Variants in PPP1R1C observed in about 807,000 individuals in gnomAD.
PPP1R1C encodes the protein protein phosphatase 1 regulatory subunit 1C.
Under a neutral mutation model 17.4 loss-of-function variants are expected in PPP1R1C, and 15 were observed. The ratio of observed to expected loss-of-function variants is 0.86; its 90% confidence interval spans 0.58 to 1.33. The LOEUF is 1.33. Among genes scored for constraint, PPP1R1C ranks in the 40% most tolerant of loss-of-function variants. PPP1R1C has a pLI of 0.00. For missense variants in PPP1R1C, 143 were observed against 130.0 expected, an observed-to-expected ratio of 1.10 and a Z score of -0.48; for synonymous variants, 35 against 43.1, an observed-to-expected ratio of 0.81 and a Z score of 0.73.
intron 2 of PPP1R1C, among the ~76,000 whole-genome samples, chr2:182,040,792 TAGATTTA>T (rs1483703514): frequency 3.3e-5 from 5 of 152,236 alleles, no homozygotes; most frequent in African/African-American, 9.6e-5. Flanking sequence ...CTTCAGGTCT[TAGATTTA>T]AGACTCTGAT....
intron 3 of PPP1R1C, among the ~76,000 whole-genome samples, chr2:182,062,773 T>C (rs970316574): frequency 1.3e-5 from 2 of 152,124 alleles, no homozygotes; most frequent in African/African-American, 4.8e-5. Context: ...CAGTTTCTAG[T>C]TTAAACTTTG....
intron 2 of PPP1R1C, among the ~76,000 whole-genome samples, chr2:182,014,232 A>G (rs1416285915): frequency 6.6e-6 from 1 of 152,178 alleles, no homozygotes; most frequent in Non-Finnish European, 1.5e-5. Flanking sequence ...CTACCTGGTC[A>G]CTGTAGCTGT....
chr2:181,955,853 A>T (rs1303369875), intron 1 of PPP1R1C, among the ~76,000 whole-genome samples: 1 of 152,134 alleles, frequency 6.6e-6, no homozygotes, highest in African/African-American at 2.4e-5. Flanking sequence ...TCTTTTGTCT[A>T]TGCATGTTTT....
chr2:182,022,843 A>G (rs1303485913), intron 2 of PPP1R1C, among the ~76,000 whole-genome samples: 1 of 152,214 alleles, frequency 6.6e-6, no homozygotes, highest in Non-Finnish European at 1.5e-5. Flanking sequence ...CAAGAAATTT[A>G]ACAGTATGTT....
chr2:182,111,777 C>G (rs1038336289), intron 4 of PPP1R1C, among the ~76,000 whole-genome samples: 2 of 151,418 alleles, frequency 1.3e-5, no homozygotes, highest in African/African-American at 4.9e-5. Context: ...AATTATATTC[C>G]TAGCATTATT....
intron 4 of PPP1R1C, among the ~76,000 whole-genome samples, chr2:182,065,278 A>G (rs1268269891): frequency 6.6e-6 from 1 of 152,144 alleles, no homozygotes; most frequent in East Asian, 1.9e-4. Context: ...ATTTATAATC[A>G]GAAATGATTT....
At chr2:181,997,974 G>C (rs182117287) in intron 2 of PPP1R1C, among the ~76,000 whole-genome samples, 313 of 152,218 alleles carry the variant, frequency 2.1e-3, no homozygotes, top group Middle Eastern at 3.4e-3. Flanking sequence ...CATTCTATAG[G>C]TTGAACCTGT....
chr2:182,065,259 T>A (rs57750089), intron 4 of PPP1R1C, among the ~76,000 whole-genome samples: 95 of 152,240 alleles, frequency 6.2e-4, no homozygotes, highest in African/African-American at 2.2e-3. Flanking sequence ...ACAAGTCACA[T>A]AGGTTCTCAT....
downstream of PPP1R1C, among the ~76,000 whole-genome samples, chr2:182,118,475 A>C (rs17457004): frequency 0.38 from 58,306 of 151,976 alleles, 11,563 homozygotes; most frequent in Non-Finnish European, 0.43. Flanking sequence ...CAAATGTATC[A>C]TGGATAAAAA....
intron 4 of PPP1R1C, among the ~76,000 whole-genome samples, chr2:182,078,204 A>G (rs1400481134): frequency 6.6e-6 from 1 of 152,174 alleles, no homozygotes; most frequent in Admixed American, 6.5e-5. Context: ...CATTTTTGGT[A>G]TGAAATGGGG....
intron 2 of PPP1R1C, among the ~76,000 whole-genome samples, chr2:182,024,346 AG>A (rs1454403764): frequency 5.9e-5 from 9 of 152,208 alleles, no homozygotes; most frequent in Non-Finnish European, 1.0e-4. Context: ...AAAAAATTTA[AG>A]GGTTACAAAA....
At chr2:182,045,735 C>T (rs1478636334) in intron 2 of PPP1R1C, among the ~76,000 whole-genome samples, 1 of 151,994 alleles carries the variant, frequency 6.6e-6, no homozygotes, top group East Asian at 1.9e-4. Context: ...TATATCTACA[C>T]AGTTCAAAAT....
chr2:182,020,142 C>T (rs1686374932), intron 2 of PPP1R1C, among the ~76,000 whole-genome samples: 1 of 152,062 alleles, frequency 6.6e-6, no homozygotes, highest in African/African-American at 2.4e-5. Flanking sequence ...CTACAGTGCC[C>T]TATGTGTATT....
intron 2 of PPP1R1C, among the ~76,000 whole-genome samples, chr2:182,055,188 A>G (rs1419381057): frequency 6.6e-6 from 1 of 152,014 alleles, no homozygotes; most frequent in South Asian, 2.1e-4. Flanking sequence ...CAATTGTGCT[A>G]TTATGCATAC....
chr2:182,027,832 A>G (rs1255419887), intron 2 of PPP1R1C, among the ~76,000 whole-genome samples: 1 of 143,392 alleles, frequency 7.0e-6, no homozygotes, highest in African/African-American at 2.6e-5. Flanking sequence ...CTGTGAATCC[A>G]TCTGGTCCTG....
intron 4 of PPP1R1C, among the ~76,000 whole-genome samples, chr2:182,091,508 A>G (rs920442206): frequency 6.6e-6 from 1 of 152,076 alleles, no homozygotes; most frequent in Admixed American, 6.6e-5. Flanking sequence ...AGGTAAATAC[A>G]CTAGTAAGAG....
chr2:182,086,309 A>T (rs573769211), intron 4 of PPP1R1C, among the ~76,000 whole-genome samples: 1 of 152,244 alleles, frequency 6.6e-6, no homozygotes, highest in East Asian at 1.9e-4. Context: ...AAAATAAAAA[A>T]GTTAAATCTC....
intron 4 of PPP1R1C, among the ~76,000 whole-genome samples, chr2:182,116,836 A>G (rs537722171): frequency 6.6e-6 from 1 of 152,296 alleles, no homozygotes; most frequent in African/African-American, 2.4e-5. Context: ...AGGGGTTTCA[A>G]TAGTTCTTGT....
At chr2:182,034,809 G>T (rs1251095534) in intron 2 of PPP1R1C, among the ~76,000 whole-genome samples, 2 of 152,194 alleles carry the variant, frequency 1.3e-5, no homozygotes, top group African/African-American at 4.8e-5. Flanking sequence ...TTAGGTTGCT[G>T]TTGGAAAGAA....
Sources: allele counts gnomAD v4.1 joint callset (sites outside exome capture counted in the v4.1 genomes callset), GRCh38; gene constraint gnomAD v4.1.1; transcripts MANE v1.5; gene names NCBI Gene and HGNC (gene_info 2026-07-23, HGNC 2026-07-21).